MARK3: variants seen among roughly 807,000 people sequenced by gnomAD.
MARK3 encodes the protein MAP/microtubule affinity-regulating kinase 3.
Under a neutral mutation model 90.1 loss-of-function variants are expected in MARK3, and 46 were observed. That is an observed-to-expected ratio of 0.51 (90% CI 0.40 to 0.65). The LOEUF is 0.65. MARK3 is among the 30% of genes least tolerant of loss of function. The pLI is 0.00. For missense variants in MARK3, 818 were observed against 947.2 expected (o/e 0.86, Z 1.79); for synonymous variants, 321 against 332.6 (o/e 0.97, Z 0.38).
chr14:103,404,965 T>G, intron 1 of MARK3, 111 bp from the exon 2 acceptor site: 1 of 747,154 alleles, frequency 1.3e-6, no homozygotes, highest in Non-Finnish European at 2.1e-6. Context: ...GCTAGATACT[T>G]TAAGATTAAA....
rs147053167 is a variant in MARK3 at position 103,431,118 on chromosome 14, C to T, written c.297+2678C>T. On this transcript the variant is annotated intron_variant, in intron 3 of 17. Transcript: ENST00000429436. ...TTTTTGTTTTTTTGAGATGGAGTCT[C>T]GCTCTGTTGCCCAGGCTGGAGTGCA... Among the ~76,000 whole-genome samples the T allele has an allele frequency of 1.1e-3, 161 of 151,862 alleles. 5 individuals carry two copies. The East Asian group carries it at 0.026, about 24-fold the overall frequency.
intron 6 of MARK3, among the ~76,000 whole-genome samples, chr14:103,462,033 TAAAAAAAA>T (rs34942342): frequency 7.1e-6 from 1 of 140,530 alleles, no homozygotes; most frequent in Non-Finnish European, 1.5e-5. Flanking sequence ...GAGACTCTGT[TAAAAAAAA>T]AAAAAAAAAA....
chr14:103,406,050 C>G (rs1164047690), intron 2 of MARK3, among the ~76,000 whole-genome samples: 1 of 151,912 alleles, frequency 6.6e-6, no homozygotes, highest in Non-Finnish European at 1.5e-5. Context: ...ACTGCCACAC[C>G]CGGCTAATGT....
At chr14:103,387,819 T>C (rs2089929756) in intron 1 of MARK3, among the ~76,000 whole-genome samples, 1 of 152,152 alleles carries the variant, frequency 6.6e-6, no homozygotes, top group Non-Finnish European at 1.5e-5. Context: ...TGATCTTCAC[T>C]CAGAGAAGCA....
chr14:103,461,481 CT>C (rs1286572304), intron 6 of MARK3, among the ~76,000 whole-genome samples: 1 of 152,134 alleles, frequency 6.6e-6, no homozygotes, highest in African/African-American at 2.4e-5. Flanking sequence ...GGGAGGAATC[CT>C]TAATAGTGCA....
At chr14:103,447,710 C>G (rs2093030674) in intron 3 of MARK3, among the ~76,000 whole-genome samples, 1 of 152,130 alleles carries the variant, frequency 6.6e-6, no homozygotes, top group African/African-American at 2.4e-5. Flanking sequence ...ATTTATACAA[C>G]AGCAATTTAA....
At chr14:103,402,507 G>A (rs1274754314) in intron 1 of MARK3, among the ~76,000 whole-genome samples, 1 of 151,364 alleles carries the variant, frequency 6.6e-6, no homozygotes, top group Non-Finnish European at 1.5e-5. Flanking sequence ...AGCTGAGATT[G>A]CGCCACTGCA....
At chr14:103,454,347 G>A (rs1352832777) in intron 5 of MARK3, among the ~76,000 whole-genome samples, 1 of 151,974 alleles carries the variant, frequency 6.6e-6, no homozygotes, top group African/African-American at 2.4e-5. Context: ...CTGCTTCCTG[G>A]GTTCAAGCAA....
intron 16 of MARK3, chr14:103,499,376 C>G (rs2075528803): frequency 2.0e-5 from 3 of 152,168 alleles, no homozygotes; most frequent in Admixed American, 2.0e-4. Context: ...GGAGGATCAC[C>G]TGAGCCCTGG....
chr14:103,483,365 A>C (rs1384243079), intron 14 of MARK3, among the ~76,000 whole-genome samples: 8 of 152,224 alleles, frequency 5.3e-5, no homozygotes, highest in Admixed American at 5.2e-4. Flanking sequence ...CAACATGAGA[A>C]TAATGATGGC....
intron 3 of MARK3, among the ~76,000 whole-genome samples, chr14:103,439,541 A>G (rs1566844755): frequency 6.6e-6 from 1 of 151,920 alleles, no homozygotes; most frequent in Non-Finnish European, 1.5e-5. Context: ...CCTGAGTAGC[A>G]GGGATTACAG....
intron 14 of MARK3, among the ~76,000 whole-genome samples, chr14:103,484,641 GC>G (rs1224401703): frequency 6.6e-6 from 1 of 152,196 alleles, no homozygotes; most frequent in East Asian, 1.9e-4. Flanking sequence ...TATAAAAGTT[GC>G]TTTTTTTAGG....
chr14:103,468,852 C>CT (rs1267642175), intron 12 of MARK3, among the ~76,000 whole-genome samples: 1 of 148,420 alleles, frequency 6.7e-6, no homozygotes, highest in Non-Finnish European at 1.5e-5. Flanking sequence ...TGGTCTCAAA[C>CT]TCCCAAGTTC....
intron 1 of MARK3, among the ~76,000 whole-genome samples, chr14:103,397,012 G>C (rs985140008): frequency 6.6e-6 from 1 of 152,072 alleles, no homozygotes; most frequent in Non-Finnish European, 1.5e-5. Context: ...ATATTGGGGG[G>C]TATATTGAGT....
chr14:103,460,286 T>G (rs1486801142), intron 6 of MARK3, among the ~76,000 whole-genome samples: 1 of 151,638 alleles, frequency 6.6e-6, no homozygotes, highest in African/African-American at 2.4e-5. Context: ...AGGATTTCAC[T>G]GTGTTAGTCA....
At position 103,503,785 on chromosome 14, in the gene MARK3, T is replaced by C. The variant is rs1007368999; in HGVS notation, c.*558T>C. 6.5e-6 allele frequency: 1 copy of C among 153,160 alleles called. No individual in the cohort carries two copies. The highest frequency in any genetic ancestry group is 2.4e-5 in the African/African-American group (1 of 41,466). 9.5% of individuals were successfully genotyped at this position (153,160 alleles called of 1,614,324 possible). A position where few individuals can be genotyped will look rare whatever the true frequency, so the allele number is the denominator to read the frequency against. On this transcript the variant is annotated 3_prime_UTR_variant, in exon 18 of 18. Transcript: ENST00000429436. The stretch of plus-strand genomic sequence containing the variant: ...TGAACATTGCTTGTGTGTGTTTTTC[T>C]AAGTAGATTCACAAGATAATTAAAA...
chr14:103,433,082 TC>T (rs2092628667), intron 3 of MARK3, among the ~76,000 whole-genome samples: 4 of 41,278 alleles, frequency 9.7e-5, no homozygotes, highest in South Asian at 4.0e-3. Context: ...TCTTTTCTTT[TC>T]TTTTCTTTTC....
rs1423735120 is a variant in MARK3 at position 103,442,052 on chromosome 14, G to GAAA, written c.298-6865_298-6863dup. Among the ~76,000 whole-genome samples the GAAA allele has an allele frequency of 2.0e-5, 3 of 152,162 alleles. No individual in the cohort carries two copies. In the East Asian group the frequency reaches 5.8e-4, roughly 29 times the overall value. On this transcript the variant is annotated intron_variant, in intron 3 of 17. Coordinates refer to ENST00000429436, the MANE Select transcript of MARK3 (RefSeq NM_001128918.3). ...TCATTAATTACACAGTAAGTAGGGG[G>GAAA]AAAAGGTACATATCTTAATATACAG...
At chr14:103,457,067 G>C (rs1244719981) in intron 5 of MARK3, 75 bp from the exon 6 acceptor site, 1 of 889,118 alleles carries the variant, frequency 1.1e-6, no homozygotes, top group South Asian at 1.7e-5. Flanking sequence ...ATTGCTAAAA[G>C]TGAAACATCA....
Sources: gnomAD v4.1 joint callset for allele counts (sites outside exome capture counted in the v4.1 genomes callset) on GRCh38, gnomAD v4.1.1 for gene constraint, MANE v1.5 for transcripts, NCBI Gene and HGNC (gene_info 2026-07-23, HGNC 2026-07-21) for gene names.